The following NXPE2 variants were observed in gnomAD, a reference collection of about 807,000 sequenced individuals.
NXPE2 encodes the protein neurexophilin and PC-esterase domain family member 2.
A neutral mutation model predicts 34.4 loss-of-function variants in NXPE2; 34 were observed. The ratio of observed to expected loss-of-function variants is 0.99; its 90% CI spans 0.75 to 1.31. The LOEUF (loss-of-function observed/expected upper bound fraction) is 1.31, where lower values mean the gene tolerates loss of function less well. Ranked by LOEUF, NXPE2 falls within the 40% of genes most tolerant of loss-of-function variation. The probability of loss-of-function intolerance (pLI) is 0.00; values close to 1 mark genes in which losing one functional copy is unlikely to be tolerated. For synonymous variants in NXPE2, 235 were observed against 231.3 expected (o/e 1.02, Z -0.15); for missense variants, 649 against 672.5 (o/e 0.97, Z 0.39).
chr11:114,790,462 A>G, the NXPE2 span, among the ~76,000 whole-genome samples: 2 of 152,220 alleles, frequency 1.3e-5, no homozygotes, highest in African/African-American at 2.4e-5. Flanking sequence ...CTTGCTGAAG[A>G]TTACAAGCTA....
At chr11:114,571,327 G>A in the NXPE2 span, 1 of 1,613,986 alleles carries the variant, frequency 6.2e-7, no homozygotes, top group Non-Finnish European at 8.5e-7. Context: ...GCCCGGGTGA[G>A]GTACTCCATC....
chr11:114,696,180 T>C (rs765016220), intron 2 of NXPE2, among the ~76,000 whole-genome samples: 2 of 149,590 alleles, frequency 1.3e-5, no homozygotes, highest in Admixed American at 6.6e-5. Context: ...CTATGAAAAA[T>C]ACAAAAATTA....
At chr11:114,709,092 C>A (rs1859563544), downstream of NXPE2, among the ~76,000 whole-genome samples, 1 of 152,154 alleles carries the variant, frequency 6.6e-6, no homozygotes, top group South Asian at 2.1e-4. Context: ...CACTGTACAA[C>A]ACAGTAGCCA....
the NXPE2 span, among the ~76,000 whole-genome samples, chr11:114,812,385 T>C: frequency 6.6e-6 from 1 of 152,212 alleles, no homozygotes; most frequent in East Asian, 1.9e-4. Context: ...AACAACTTTC[T>C]AATAATTAGA....
chr11:114,646,437 T>G, the NXPE2 span, among the ~76,000 whole-genome samples: 6 of 152,122 alleles, frequency 3.9e-5, no homozygotes, highest in Admixed American at 3.9e-4. Context: ...ATTTTTCTGT[T>G]ATGAAAACAT....
the NXPE2 span, among the ~76,000 whole-genome samples, chr11:114,477,006 A>G: frequency 6.6e-6 from 1 of 152,222 alleles, no homozygotes; most frequent in Non-Finnish European, 1.5e-5. Context: ...AGACTTGCAC[A>G]TGAGTGTTTA....
chr11:114,609,080 G>A, the NXPE2 span, among the ~76,000 whole-genome samples: 126 of 150,874 alleles, frequency 8.4e-4, 2 homozygotes, highest in African/African-American at 2.9e-3. Context: ...ACTGTTATCC[G>A]GTGGATAATA....
the NXPE2 span, among the ~76,000 whole-genome samples, chr11:114,775,575 G>C: frequency 3.9e-5 from 6 of 152,218 alleles, no homozygotes; most frequent in Non-Finnish European, 5.9e-5. Flanking sequence ...AAGGATATGA[G>C]AAAGGTGAAT....
At chr11:114,705,494 T>C (rs1591446432) in intron 4 of NXPE2, among the ~76,000 whole-genome samples, 1 of 152,208 alleles carries the variant, frequency 6.6e-6, no homozygotes, top group East Asian at 1.9e-4. Flanking sequence ...TGGCTGGCTG[T>C]TCCACAGCAG....
At chr11:114,729,139 G>T in the NXPE2 span, among the ~76,000 whole-genome samples, 1 of 151,978 alleles carries the variant, frequency 6.6e-6, no homozygotes, top group Non-Finnish European at 1.5e-5. Context: ...CCAAGGTTTA[G>T]CTCCCACTTA....
At chr11:114,628,550 T>G in the NXPE2 span, among the ~76,000 whole-genome samples, 1 of 151,120 alleles carries the variant, frequency 6.6e-6, no homozygotes, top group African/African-American at 2.4e-5. Context: ...TAGCACTAAA[T>G]GCCCACAAGA....
downstream of NXPE2, among the ~76,000 whole-genome samples, chr11:114,710,824 A>T (rs1859597868): frequency 6.6e-6 from 1 of 152,170 alleles, no homozygotes; most frequent in Non-Finnish European, 1.5e-5. Context: ...ATAAGCATAG[A>T]TGCAAAAACC....
At chr11:114,804,487 C>A in the NXPE2 span, among the ~76,000 whole-genome samples, 1 of 152,212 alleles carries the variant, frequency 6.6e-6, no homozygotes, top group East Asian at 1.9e-4. Context: ...ACTGTCTGTT[C>A]ACCATAAAGC....
chr11:114,557,709 CCTT>C, the NXPE2 span, among the ~76,000 whole-genome samples: 1 of 141,484 alleles, frequency 7.1e-6, no homozygotes, highest in Non-Finnish European at 1.5e-5. Flanking sequence ...CATTTAGTTT[CCTT>C]CTTTTTCATT....
the NXPE2 span, among the ~76,000 whole-genome samples, chr11:114,638,287 G>A: frequency 1.0e-3 from 152 of 151,924 alleles, 2 homozygotes; most frequent in East Asian, 0.024. Flanking sequence ...TCTTCATGTA[G>A]TTCTCGAGCC....
chr11:114,739,321 TTCCTTCCTTCCTTCCTTCCC>T, the NXPE2 span, among the ~76,000 whole-genome samples: 741 of 56,248 alleles, frequency 0.013, 24 homozygotes, highest in African/African-American at 0.038. Flanking sequence ...CCTTCCTTCC[TTCCTTCCTTCCTTCCTTCCC>T]CCCTTCCTCT....
At chr11:114,677,398 A>G (rs1950870843), upstream of NXPE2, among the ~76,000 whole-genome samples, 1 of 152,068 alleles carries the variant, frequency 6.6e-6, no homozygotes, top group African/African-American at 2.4e-5. Context: ...AAACACATAC[A>G]TTTTTTATTT....
the NXPE2 span, among the ~76,000 whole-genome samples, chr11:114,746,042 T>C: frequency 6.6e-6 from 1 of 152,266 alleles, no homozygotes; most frequent in East Asian, 1.9e-4. Context: ...AATAAAATAG[T>C]ATATTTTATG....
the NXPE2 span, among the ~76,000 whole-genome samples, chr11:114,632,230 TAA>T: frequency 7.1e-6 from 1 of 140,666 alleles, no homozygotes; most frequent in Admixed American, 7.7e-5. Flanking sequence ...TATATATGTA[TAA>T]TATATATGTA....
Sources: gnomAD v4.1 joint callset for allele counts (sites outside exome capture counted in the v4.1 genomes callset) on GRCh38, gnomAD v4.1.1 for gene constraint, MANE v1.5 for transcripts, NCBI Gene and HGNC (gene_info 2026-07-23, HGNC 2026-07-21) for gene names.